CCDC73: variants seen among roughly 807,000 people sequenced by gnomAD.
CCDC73 encodes coiled-coil domain containing 73.
Under a neutral mutation model 116.5 loss-of-function variants are expected in CCDC73, and 95 were observed. That is an observed-to-expected ratio of 0.82 (90% CI 0.69 to 0.97). The LOEUF is 0.97. CCDC73 is among the 50% of genes least tolerant of loss of function. CCDC73 has a pLI of 0.00. For synonymous variants in CCDC73, 398 were observed against 401.3 expected (o/e 0.99, Z 0.10); for missense variants, 1,066 against 1,206.8 (o/e 0.88, Z 1.73).
chr11:32,759,970 T>C, intron 2 of CCDC73, 139 bp downstream of exon 2: 1 of 692,384 alleles, frequency 1.4e-6, no homozygotes, highest in Non-Finnish European at 2.5e-6. Flanking sequence ...TGTCCTATTC[T>C]CTTTTACTTC....
the CCDC73 span, among the ~76,000 whole-genome samples, chr11:32,808,421 T>C: frequency 6.6e-6 from 1 of 152,162 alleles, no homozygotes; most frequent in Non-Finnish European, 1.5e-5. Flanking sequence ...GGCAGATAAC[T>C]TGAGGTCAGG....
Position 32,614,363 on chromosome 11 carries a change from T to C in CCDC73, c.1955A>G (p.Asn652Ser). The C allele has an allele frequency of 6.2e-7, 1 of 1,612,166 alleles. No homozygotes were observed. Among genetic ancestry groups the C allele is most frequent in the South Asian group, 1.1e-5 (1 of 91,022 alleles). ...ACATTGTTTATCATCTAACATAACA[T>C]TACTTGAATTCCGTAAACTATATTT... ...CQKYSLRNSS[N>S]VMLDDKQCKI... Residue 652 changes from asparagine (N) to serine (S), a missense_variant, in exon 16 of 18, where the codon AAT becomes AGT. By Grantham distance (46) the Asn-to-Ser change is conservative (BLOSUM62 1). Transcript: ENST00000335185.
intron 2 of CCDC73, among the ~76,000 whole-genome samples, chr11:32,732,734 C>G (rs1267506366): frequency 6.6e-6 from 1 of 152,070 alleles, no homozygotes; most frequent in African/African-American, 2.4e-5. Context: ...ATTTTGTCAC[C>G]ACCAGGCCTG....
chr11:32,809,561 G>C, the CCDC73 span, among the ~76,000 whole-genome samples: 1 of 152,122 alleles, frequency 6.6e-6, no homozygotes, highest in Admixed American at 6.6e-5. Flanking sequence ...CCTTACCCTT[G>C]CTGCAACAAG....
At chr11:32,630,857 C>T (rs1002356323) in intron 14 of CCDC73, among the ~76,000 whole-genome samples, 1 of 151,982 alleles carries the variant, frequency 6.6e-6, no homozygotes, top group Non-Finnish European at 1.5e-5. Context: ...TATGACTACT[C>T]CCATAAAAAA....
chr11:32,713,439 C>T (rs960518080), intron 3 of CCDC73, among the ~76,000 whole-genome samples: 1 of 152,016 alleles, frequency 6.6e-6, no homozygotes, highest in Non-Finnish European at 1.5e-5. Flanking sequence ...TTTAAGTGTT[C>T]TAATGCTTCC....
At chr11:32,683,209 G>T in intron 7 of CCDC73, 1 of 319,536 alleles carries the variant, frequency 3.1e-6, no homozygotes, top group Non-Finnish European at 5.9e-6. Context: ...AAAATCTAAA[G>T]TCCAAAATAC....
intron 9 of CCDC73, among the ~76,000 whole-genome samples, chr11:32,662,986 T>A (rs1855945067): frequency 6.6e-6 from 1 of 152,192 alleles, no homozygotes; most frequent in Admixed American, 6.5e-5. Flanking sequence ...TTGTCAAAGA[T>A]CAGATGGTTG....
the CCDC73 span, among the ~76,000 whole-genome samples, chr11:32,826,169 A>G: frequency 6.6e-6 from 1 of 152,214 alleles, no homozygotes; most frequent in Non-Finnish European, 1.5e-5. Context: ...GATTTGTTGA[A>G]TCTGAAAATA....
chr11:32,793,967 C>T (rs1043078301), intron 1 of CCDC73, among the ~76,000 whole-genome samples: 1 of 152,112 alleles, frequency 6.6e-6, no homozygotes, highest in Non-Finnish European at 1.5e-5. Context: ...TCATTTCATT[C>T]CCAGTGAGAT....
At position 32,792,847 on chromosome 11, in the gene CCDC73, C is replaced by A. The variant is rs375192348; in HGVS notation, c.-16+1766G>T. Among the ~76,000 whole-genome samples the A allele has an allele frequency of 2.6e-5, 4 of 152,266 alleles. No homozygotes were observed. In the East Asian group the frequency reaches 7.7e-4, roughly 29 times the overall value. On this transcript the variant is annotated intron_variant, in intron 1 of 17. Coordinates refer to ENST00000335185, the MANE Select transcript of CCDC73 (RefSeq NM_001008391.4). Reference sequence around the variant, plus strand: ...TATTTAATCTCTTTCCCATGGTTTTCCCATGAAGTGTAAGGAGAATACTGG... The same window carrying A: ...TATTTAATCTCTTTCCCATGGTTTTACCATGAAGTGTAAGGAGAATACTGG...
chr11:32,674,569 C>T (rs1211706880), intron 9 of CCDC73, among the ~76,000 whole-genome samples: 1 of 152,168 alleles, frequency 6.6e-6, no homozygotes. Context: ...GATCCAGTTA[C>T]TCAATAATGT....
At position 32,706,552 on chromosome 11, in the gene CCDC73, G is replaced by T. The variant is rs191170528; in HGVS notation, c.208-3608C>A. Among the ~76,000 whole-genome samples the T allele has an allele frequency of 3.5e-3, 535 of 152,274 alleles. 1 individual carries two copies. The highest frequency in any genetic ancestry group is 0.012 in the African/African-American group (506 of 41,568). On this transcript the variant is annotated intron_variant, in intron 3 of 17. Transcript: ENST00000335185. ...GTACATTAGAAAAATAATTGTCATG[G>T]TCTAGCTAAGAAAATAAAGGAAAAT...
chr11:32,822,291 A>G, the CCDC73 span, among the ~76,000 whole-genome samples: 1 of 152,232 alleles, frequency 6.6e-6, no homozygotes, highest in East Asian at 1.9e-4. Context: ...TACATACAGA[A>G]TAACATTGAT....
At chr11:32,625,503 T>C (rs936435027) in intron 14 of CCDC73, among the ~76,000 whole-genome samples, 10 of 152,148 alleles carry the variant, frequency 6.6e-5, no homozygotes, top group African/African-American at 2.4e-4. Context: ...AGCATTTGCT[T>C]GTCTGTAAAG....
At chr11:32,631,750 T>C (rs886927121) in intron 14 of CCDC73, among the ~76,000 whole-genome samples, 7 of 152,120 alleles carry the variant, frequency 4.6e-5, no homozygotes, top group Non-Finnish European at 8.8e-5. Context: ...GGTGGGAGGA[T>C]TGCTTGAGCC....
At chr11:32,626,821 A>C (rs1855578436) in intron 14 of CCDC73, among the ~76,000 whole-genome samples, 1 of 152,246 alleles carries the variant, frequency 6.6e-6, no homozygotes, top group Admixed American at 6.5e-5. Flanking sequence ...ACAAAAATTA[A>C]TTCAAGCTGG....
At chr11:32,732,043 C>T (rs985456018) in intron 2 of CCDC73, among the ~76,000 whole-genome samples, 2 of 152,156 alleles carry the variant, frequency 1.3e-5, no homozygotes, top group Admixed American at 6.5e-5. Context: ...GAATGGCTAA[C>T]TACAATAGAC....
At chr11:32,775,335 T>G (rs1057329065) in intron 1 of CCDC73, among the ~76,000 whole-genome samples, 1 of 152,214 alleles carries the variant, frequency 6.6e-6, no homozygotes, top group African/African-American at 2.4e-5. Context: ...CATATCTTTA[T>G]ACAGAATTTC....
Sources: allele counts gnomAD v4.1 joint callset (sites outside exome capture counted in the v4.1 genomes callset), GRCh38; gene constraint gnomAD v4.1.1; transcripts MANE v1.5; gene names NCBI Gene and HGNC (gene_info 2026-07-23, HGNC 2026-07-21).